NMU: variants seen among roughly 807,000 people sequenced by gnomAD.
NMU encodes the protein neuromedin U.
Under a neutral mutation model 35.4 loss-of-function variants are expected in NMU, and 29 were observed. That is an observed-to-expected ratio of 0.82 (90% CI 0.61 to 1.12). NMU has a LOEUF of 1.12. NMU is among the 50% of genes most tolerant of loss of function. The probability of loss-of-function intolerance (pLI) is 0.00; values close to 1 mark genes in which losing one functional copy is unlikely to be tolerated. For missense variants in NMU, 199 were observed against 206.2 expected, an observed-to-expected ratio of 0.97 and a Z score of 0.21; for synonymous variants, 78 against 81.3, an observed-to-expected ratio of 0.96 and a Z score of 0.22.
intron 3 of NMU, 43 bp downstream of exon 3, chr4:55,616,295 A>G: frequency 6.8e-7 from 1 of 1,474,804 alleles, no homozygotes; most frequent in African/African-American, 1.4e-5. Flanking sequence ...TAAGCACTAC[A>G]CAAACACCTA....
chr4:55,598,091 T>TG (rs768191595), intron 9 of NMU, among the ~76,000 whole-genome samples: 3 of 30,496 alleles, frequency 9.8e-5, no homozygotes, highest in Non-Finnish European at 2.6e-4. Context: ...TGGTTGTGGT[T>TG]TTTTTTTTTT....
chr4:55,619,469 C>T (rs1395334099), intron 2 of NMU, among the ~76,000 whole-genome samples: 12 of 133,874 alleles, frequency 9.0e-5, no homozygotes, highest in Non-Finnish European at 1.6e-4. Flanking sequence ...GCTTAAGAAA[C>T]GGCGCACCAC....
chr4:55,618,065 A>G (rs1734177270), intron 2 of NMU, among the ~76,000 whole-genome samples: 1 of 152,158 alleles, frequency 6.6e-6, no homozygotes, highest in African/African-American at 2.4e-5. Flanking sequence ...TATGGCTCTA[A>G]TGGTTTTGAA....
At chr4:55,600,671 C>T (rs978674989) in intron 7 of NMU, 96 bp from the exon 8 acceptor site, 10 of 859,544 alleles carry the variant, frequency 1.2e-5, no homozygotes, top group Non-Finnish European at 2.0e-5. Context: ...TTACTTTCAA[C>T]TGTCATAACT....
intron 3 of NMU, among the ~76,000 whole-genome samples, chr4:55,614,933 T>C (rs867227797): frequency 2.0e-5 from 3 of 152,220 alleles, no homozygotes; most frequent in Admixed American, 6.5e-5. Flanking sequence ...CTTTACTATC[T>C]AATACCTCAA....
At chr4:55,616,237 C>A (rs2110200278) in intron 3 of NMU, 101 bp downstream of exon 3, 1 of 821,450 alleles carries the variant, frequency 1.2e-6, no homozygotes. Context: ...CACACGTTGA[C>A]ATGTTTTCAC....
intron 4 of NMU, among the ~76,000 whole-genome samples, chr4:55,607,844 T>C (rs1460939212): frequency 6.6e-6 from 1 of 152,172 alleles, no homozygotes; most frequent in African/African-American, 2.4e-5. Context: ...TCACTAAATA[T>C]GAAGGTTATG....
chr4:55,599,005 T>C (rs1733316118), intron 9 of NMU, 137 bp downstream of exon 9: 1 of 627,504 alleles, frequency 1.6e-6, no homozygotes, highest in Non-Finnish European at 2.9e-6. Context: ...CATGTACATA[T>C]GCAATCAAAT....
At position 55,627,781 on chromosome 4, in the gene NMU, T is replaced by C. The variant is rs548502447; in HGVS notation, c.171+2621A>G. ...AGTTCAAGAGCAAGAAGTTTGTTAA[T>C]GCAATTCATTGCAGTTATAGACTAG... On this transcript the variant is annotated intron_variant, in intron 2 of 9. Coordinates refer to ENST00000264218, the MANE Select transcript of NMU (RefSeq NM_006681.4). 4.0e-4 allele frequency among the ~76,000 whole-genome samples: 61 copies of C among 152,354 alleles called. 1 individual carries two copies. The Middle Eastern group carries it at 0.037, about 93-fold the overall frequency.
At chr4:55,611,687 T>C (rs1733937812) in intron 3 of NMU, among the ~76,000 whole-genome samples, 2 of 152,226 alleles carry the variant, frequency 1.3e-5, no homozygotes, top group Admixed American at 6.5e-5. Context: ...CATAGTGTGT[T>C]ACAACTGCCC....
At chr4:55,603,631 G>A (rs116194094) in intron 7 of NMU, among the ~76,000 whole-genome samples, 3,307 of 151,854 alleles carry the variant, frequency 0.022, 135 homozygotes, top group African/African-American at 0.075. Context: ...TAATCCTAGA[G>A]GCCGGGCGCA....
rs916699168 is a variant in NMU at position 55,597,334 on chromosome 4, T to TTTC, written c.*4+1805_*4+1807dup. Among the ~76,000 whole-genome samples, 4 of 151,658 alleles carry TTTC rather than the reference T, an allele frequency of 2.6e-5. No individual in the cohort carries two copies. In the East Asian group the frequency reaches 5.8e-4, roughly 22 times the overall value. On this transcript the variant is annotated intron_variant, in intron 9 of 9. Transcript: ENST00000264218. ...TATATTGTGGGTATAGTTTCTTTTT[T>TTTC]TTCTTCTTCTTCTTCTTTTTGAGAC...
upstream of NMU, chr4:55,636,668 C>G (rs1715943688): frequency 1.3e-5 from 2 of 153,880 alleles, no homozygotes; most frequent in African/African-American, 4.8e-5. The surrounding 1 kb of genome is among the most constrained non-coding windows in gnomAD (Gnocchi z 4.0). Flanking sequence ...TCTCCTTCAC[C>G]TCTTCCAGAG....
At chr4:55,604,095 TC>T (rs2110187227) in intron 7 of NMU, among the ~76,000 whole-genome samples, 1 of 121,110 alleles carries the variant, frequency 8.3e-6, no homozygotes, top group East Asian at 2.4e-4. Context: ...AGACAGAGTC[TC>T]GCGCTGTCAC....
intron 7 of NMU, among the ~76,000 whole-genome samples, chr4:55,604,672 C>T (rs1287668948): frequency 1.1e-5 from 1 of 89,680 alleles, no homozygotes; most frequent in East Asian, 3.2e-4. Flanking sequence ...GCCAATATGC[C>T]TGGCTAATTT....
chr4:55,636,422 G>A, upstream of NMU: 1 of 536,344 alleles, frequency 1.9e-6, no homozygotes, highest in Non-Finnish European at 3.0e-6. The surrounding 1 kb of genome is among the most constrained non-coding windows in gnomAD (Gnocchi z 4.0). Flanking sequence ...CCGCCCCGCT[G>A]CCTGCCCGCG....
At position 55,595,540 on chromosome 4, in the gene NMU, C is replaced by CTG. The variant is rs1560509022; in HGVS notation, c.*5-131_*5-130dup. 7 of 15,360 alleles carry CTG rather than the reference C, an allele frequency of 4.6e-4. No individual in the cohort carries two copies. In the East Asian group the frequency reaches 0.025, roughly 56 times the overall value. The allele number at this position is 15,360 out of a possible 1,614,324, so 1.0% of individuals were successfully genotyped here. On this transcript the variant is annotated intron_variant, in intron 9 of 9. Coordinates refer to ENST00000264218, the MANE Select transcript of NMU (RefSeq NM_006681.4). ...CAGTAGCATCTGACATATTTCCCAGCTGTATATATATATATATATATATAC... is the reference window on the plus strand; with the variant it reads ...CAGTAGCATCTGACATATTTCCCAGCTGTGTATATATATATATATATATATAC...
intron 1 of NMU, 100 bp from the exon 2 acceptor site, chr4:55,630,560 C>T (rs55665531): frequency 0.064 from 56,922 of 893,888 alleles, 2,120 homozygotes; most frequent in Non-Finnish European, 0.08. Context: ...TCATTTTTCA[C>T]TGTACATCAT....
chr4:55,636,232 C>G lies in NMU; in HGVS notation c.-40G>C, dbSNP rs1388222454. The G allele has an allele frequency of 7.0e-7, 1 of 1,427,776 alleles. No homozygotes were observed. The highest frequency in any genetic ancestry group is 1.5e-5 in the African/African-American group (1 of 66,416). The allele number at this position is 1,427,776 out of a possible 1,614,324, so 88.4% of individuals were successfully genotyped here. On this transcript the variant is annotated 5_prime_UTR_variant, in exon 1 of 10. Coordinates refer to ENST00000264218, the MANE Select transcript of NMU (RefSeq NM_006681.4). This position sits in a 1 kb window ranked among gnomAD's most constrained non-coding sequence, Gnocchi z 4.0. ...GAGGCTCGGTGCTAGGGACGCTGCG[C>G]TGCGCCACGCGTAGCTGGTGCTCCA...
Sources: allele counts gnomAD v4.1 joint callset (sites outside exome capture counted in the v4.1 genomes callset), GRCh38; gene constraint gnomAD v4.1.1; non-coding constraint Gnocchi (gnomAD v3.1); transcripts MANE v1.5; gene names NCBI Gene and HGNC (gene_info 2026-07-23, HGNC 2026-07-21).